The following ZMYM5 variants were observed in gnomAD, a reference collection of about 807,000 sequenced individuals.
ZMYM5 encodes the protein zinc finger MYM-type containing 5, also known as zinc finger MYM-type protein 5.
ZMYM5 carries 41 observed loss-of-function variants against 61.8 expected under a neutral mutation model. That is an observed-to-expected ratio of 0.66 (90% CI 0.52 to 0.86). ZMYM5 has a LOEUF of 0.86. ZMYM5 is among the 40% of genes least tolerant of loss of function. The pLI is 0.00. For synonymous variants in ZMYM5, 257 were observed against 276.4 expected (o/e 0.93, Z 0.70); for missense variants, 706 against 786.7 (o/e 0.90, Z 1.23).
intron 5 of ZMYM5, among the ~76,000 whole-genome samples, chr13:19,838,324 G>T (rs991064392): frequency 1.3e-5 from 2 of 152,214 alleles, no homozygotes; most frequent in African/African-American, 4.8e-5. Context: ...GTTGCAGTGA[G>T]TGGAAATCGT....
intron 4 of ZMYM5, among the ~76,000 whole-genome samples, chr13:19,842,441 CATA>C (rs1593878847): frequency 1.3e-5 from 2 of 152,152 alleles, no homozygotes; most frequent in East Asian, 3.8e-4. Context: ...CAAACAACAA[CATA>C]ATAATATAAT....
intron 4 of ZMYM5, chr13:19,841,943 A>T (rs1952892870): frequency 6.6e-6 from 1 of 151,992 alleles, no homozygotes; most frequent in Admixed American, 6.6e-5. Context: ...CAGCCTCCTG[A>T]GTAGCTGGGA....
chr13:19,852,873 G>A (rs1299761608), intron 2 of ZMYM5, among the ~76,000 whole-genome samples: 1 of 152,112 alleles, frequency 6.6e-6, no homozygotes, highest in African/African-American at 2.4e-5. Flanking sequence ...TTTGAGAGAG[G>A]GTCTGGCTCT....
Position 19,835,354 on chromosome 13 carries a change from C to A in ZMYM5, c.1251+123G>T, listed in dbSNP as rs1952642506. ...TTAGACTTGAATATTTGAGATGGGACAAACCAATGACAGAATGGCAAAATG... is the reference window on the plus strand; with the variant it reads ...TTAGACTTGAATATTTGAGATGGGAAAAACCAATGACAGAATGGCAAAATG... On this transcript the variant is annotated intron_variant, in intron 7 of 7. Transcript: ENST00000337963. The A allele has an allele frequency of 2.1e-5, 15 of 707,224 alleles. No individual in the cohort carries two copies. In the South Asian group the frequency reaches 2.6e-4, roughly 12 times the overall value. 43.8% of individuals were successfully genotyped at this position (707,224 alleles called of 1,614,324 possible).
At chr13:19,851,588 T>C (rs1953298325) in intron 3 of ZMYM5, 101 bp downstream of exon 3, 7 of 1,546,178 alleles carry the variant, frequency 4.5e-6, no homozygotes, top group Non-Finnish European at 6.1e-6. Flanking sequence ...TTGCCCAGCA[T>C]TCACAGAGCT....
At chr13:19,826,772 A>G (rs915140627) in intron 7 of ZMYM5, among the ~76,000 whole-genome samples, 1 of 152,108 alleles carries the variant, frequency 6.6e-6, no homozygotes, top group Non-Finnish European at 1.5e-5. Context: ...AAAAAAAAAA[A>G]AAACTGTGTC....
intron 2 of ZMYM5, among the ~76,000 whole-genome samples, chr13:19,857,616 C>A (rs952748552): frequency 3.9e-5 from 6 of 152,150 alleles, no homozygotes; most frequent in African/African-American, 1.4e-4. Flanking sequence ...GGGCCTGGTG[C>A]CTCACACCTA....
intron 4 of ZMYM5, among the ~76,000 whole-genome samples, chr13:19,847,682 G>A (rs1161325887): frequency 6.8e-6 from 1 of 145,990 alleles, no homozygotes; most frequent in Non-Finnish European, 1.5e-5. Context: ...TCACTCTGTC[G>A]CCCATGCTGG....
rs193227032 is a variant in ZMYM5, at chr13:19,851,487, C to A, written c.493-39G>T. The A allele has an allele frequency of 2.5e-6, 4 of 1,604,578 alleles. No individual in the cohort carries two copies. The Admixed American group carries it at 5.0e-5, about 20-fold the overall frequency. On this transcript the variant is annotated intron_variant, in intron 3 of 7. Transcript: ENST00000337963. ...GATGGGGTGTACGTTTGTATATTAA[C>A]ACCAAAATTACTTGACTGAAGTCCT... is the stretch of plus-strand genomic sequence containing the variant.
chr13:19,840,899 G>T (rs867571931), intron 4 of ZMYM5, among the ~76,000 whole-genome samples: 4 of 151,356 alleles, frequency 2.6e-5, no homozygotes, highest in Middle Eastern at 6.9e-3. Flanking sequence ...GGATGGTCTT[G>T]ATCTCCTGAC....
chr13:19,829,781 ATTC>A (rs1370182823), intron 7 of ZMYM5, among the ~76,000 whole-genome samples: 1 of 152,126 alleles, frequency 6.6e-6, no homozygotes, highest in Non-Finnish European at 1.5e-5. Flanking sequence ...TTTCTAGCTG[ATTC>A]TTCGGTTATT....
intron 4 of ZMYM5, among the ~76,000 whole-genome samples, chr13:19,839,377 C>A (rs560393108): frequency 1.3e-5 from 2 of 151,068 alleles, no homozygotes; most frequent in Non-Finnish European, 2.9e-5. Context: ...CAGGCACACT[C>A]AAAAAATATT....
intron 4 of ZMYM5, among the ~76,000 whole-genome samples, chr13:19,844,336 C>T (rs974105712): frequency 1.6e-4 from 25 of 152,148 alleles, no homozygotes; most frequent in African/African-American, 6.0e-4. Flanking sequence ...AAAGTAGACT[C>T]AAAAGGATGA....
chr13:19,845,841 C>A (rs1953055411), intron 4 of ZMYM5, among the ~76,000 whole-genome samples: 1 of 152,194 alleles, frequency 6.6e-6, no homozygotes, highest in South Asian at 2.1e-4. Flanking sequence ...AACCAAAAGG[C>A]TGCACTGAGC....
At chr13:19,831,813 A>AAC (rs1891238555) in intron 7 of ZMYM5, among the ~76,000 whole-genome samples, 2 of 150,282 alleles carry the variant, frequency 1.3e-5, no homozygotes, top group Middle Eastern at 3.4e-3. Context: ...AAAAAAAAAA[A>AAC]ACCATATGTA....
chr13:19,856,182 T>C (rs1398771158), intron 2 of ZMYM5, among the ~76,000 whole-genome samples: 1 of 152,222 alleles, frequency 6.6e-6, no homozygotes, highest in Non-Finnish European at 1.5e-5. Context: ...GAGAAAAAGA[T>C]GCTGTATAGC....
intron 6 of ZMYM5, 119 bp from the exon 7 acceptor site, chr13:19,835,808 G>A: frequency 1.5e-6 from 1 of 681,770 alleles, no homozygotes; most frequent in South Asian, 1.8e-5. Context: ...CTCAGAGGAA[G>A]ATATACCCAG....
chr13:19,850,392 G>A (rs980292602), intron 4 of ZMYM5, among the ~76,000 whole-genome samples: 5 of 152,096 alleles, frequency 3.3e-5, no homozygotes, highest in Non-Finnish European at 7.4e-5. Context: ...CTGAGGTTAG[G>A]AGTTTGAGAC....
intron 4 of ZMYM5, among the ~76,000 whole-genome samples, chr13:19,845,396 CT>C (rs2138576265): frequency 6.6e-6 from 1 of 152,322 alleles, no homozygotes; most frequent in South Asian, 2.1e-4. Flanking sequence ...CTAAACCGTA[CT>C]AGCAGTTTTC....
Sources: allele counts gnomAD v4.1 joint callset (sites outside exome capture counted in the v4.1 genomes callset), GRCh38; gene constraint gnomAD v4.1.1; transcripts MANE v1.5; gene names NCBI Gene and HGNC (gene_info 2026-07-23, HGNC 2026-07-21).